Variants in TRO observed in about 807,000 individuals in gnomAD.
The protein encoded by TRO is MAGE superfamily protein.
In TRO, 29 loss-of-function variants were observed where a neutral mutation model predicts 42.3. The observed-to-expected ratio is 0.68, with a 90% CI of 0.51 to 0.93. TRO has a LOEUF of 0.93. TRO is among the 40% of genes least tolerant of loss of function. The pLI is 0.00. For missense variants in TRO, 963 were observed against 1,127.7 expected (o/e 0.85, Z 2.09); for synonymous variants, 384 against 425.2 (o/e 0.90, Z 1.19).
intron 1 of TRO, among the ~76,000 whole-genome samples, chrX:54,921,676 G>A (rs1424974429): frequency 1.0e-5 from 1 of 99,911 alleles, no homozygotes; most frequent in Non-Finnish European, 2.0e-5. Flanking sequence ...TGGCAGTACC[G>A]CAGAGGAGAG....
Position 54,929,267 on chromosome X carries a change from G to T in TRO, c.2543G>T (p.Gly848Val). The change falls in exon 12 of 13, where the codon GGC (glycine) becomes GTC (valine). Residue 848 changes from glycine to valine, a missense_variant. Coordinates refer to ENST00000173898, the MANE Select transcript of TRO (RefSeq NM_001039705.3). ...SATFSGGASS[G>V]FGGTLSTTAG... ...ACTTTCAGTGGTGGAGCCAGCTCTG[G>T]CTTTGGAGGCACACTCAGCACCACG... 1 of 1,212,080 alleles carries T rather than the reference G, an allele frequency of 8.3e-7. No individual in the cohort carries two copies. The highest frequency in any genetic ancestry group is 1.8e-5 in the South Asian group (1 of 56,961).
Position 54,923,163 on chromosome X carries a change from G to C in TRO, c.631G>C (p.Ala211Pro), listed in dbSNP as rs746399151. 5.0e-6 allele frequency: 6 copies of C among 1,209,616 alleles called. No homozygotes were observed. Among genetic ancestry groups the C allele is most frequent in the Non-Finnish European group, 6.7e-6 (6 of 895,201 alleles). ...KPKKASKAKK[A>P]ANKAIASATE... The stretch of plus-strand genomic sequence containing the variant: ...TAAGAAAGCTTCCAAGGCTAAGAAG[G>C]CTGCAAATAAGGCCATAGCTAGTGC... Residue 211 changes from alanine (A) to proline (P), a missense_variant, in exon 3 of 13, where the codon GCT becomes CCT. Ala to Pro is a conservative substitution (Grantham distance 27, BLOSUM62 -1). Around this residue, in one of 2 missense-constraint regions of TRO, gnomAD observed 322 missense variants for 316.5 expected, o/e 1.02. Transcript: ENST00000173898.
intron 7 of TRO, 111 bp downstream of exon 7, chrX:54,925,794 T>C (rs1932685717): frequency 6.3e-6 from 4 of 633,279 alleles, no homozygotes; most frequent in Admixed American, 6.8e-5. Flanking sequence ...AAAAACAGGG[T>C]CTCAAAAGCC....
chrX:54,924,683 T>C lies in TRO; in HGVS notation c.1355T>C (p.Val452Ala). Reference sequence around the variant, plus strand: ...CTCTCCTCCCAGGCTAATAAGTTGGTGAAATACCTGTTGGTTAAGGACCAG... The same window carrying C: ...CTCTCCTCCCAGGCTAATAAGTTGGCGAAATACCTGTTGGTTAAGGACCAG... ...AILQERANKLVKYLLVKDQTK... is the reference protein window; with the variant it reads ...AILQERANKLAKYLLVKDQTK... Residue 452 changes from valine (V) to alanine (A), a missense_variant, in exon 5 of 13, where the codon GTG becomes GCG. By Grantham distance (64) the Val-to-Ala change is moderately conservative. This residue lies in a region of TRO where 641 missense variants were observed against 811.3 expected (regional missense o/e 0.79). Transcript: ENST00000173898. 2 of 1,211,543 alleles carry C rather than the reference T, an allele frequency of 1.7e-6. No homozygotes were observed. Among genetic ancestry groups the C allele is most frequent in the Non-Finnish European group, 2.2e-6 (2 of 895,292 alleles).
rs1222448760 is a variant in TRO at position 54,929,592 on chromosome X, C to T, written c.2868C>T (p.Ser956=). Residue 956 remains serine (S), a synonymous_variant, in exon 12 of 13, where the codon AGC becomes AGT. Coordinates refer to ENST00000173898, the MANE Select transcript of TRO (RefSeq NM_001039705.3). ...ATTTTGGTGGTACACTAAGTACCAGCATCTGCTTTGATGGCTCTCCCAGCA... is the reference window on the plus strand; with the variant it reads ...ATTTTGGTGGTACACTAAGTACCAGTATCTGCTTTGATGGCTCTCCCAGCA... The part of the protein sequence containing the change: ...SANFGGTLST[S]ICFDGSPSTG... The T allele has an allele frequency of 2.5e-6, 3 of 1,211,026 alleles. No individual in the cohort carries two copies. The highest frequency in any genetic ancestry group is 4.3e-5 in the Admixed American group (2 of 46,014).
In TRO at chrX:54,927,742, C is replaced by T. The variant is rs374166648; in HGVS notation, c.1839C>T (p.His613=). 92 of 1,209,559 alleles carry T rather than the reference C, an allele frequency of 7.6e-5. No individual in the cohort carries two copies. The highest frequency in any genetic ancestry group is 2.3e-4 in the Middle Eastern group (1 of 4,372). ...TCTTCTGGGGCTTGCGCTCCTACCA[C>T]GAGACTAGCAAGATGAAAGTCCTCA... ...YEFFWGLRSY[H]ETSKMKVLKF... is the part of the protein sequence containing the mutation. The change falls in exon 11 of 13, where the codon CAC becomes CAT. Residue 613 remains histidine (H), a synonymous_variant. Coordinates refer to ENST00000173898, the MANE Select transcript of TRO (RefSeq NM_001039705.3).
rs1178466198 is a variant in TRO at position 54,930,796 on chromosome X, A to T, written c.4072A>T (p.Ser1358Cys). The change falls in exon 12 of 13, where the codon AGT (serine) becomes TGT (cysteine). Residue 1358 changes from serine to cysteine, a missense_variant. By Grantham distance (112) the Ser-to-Cys change is moderately radical. Around this residue, in one of 2 missense-constraint regions of TRO, gnomAD observed 641 missense variants for 811.3 expected, o/e 0.79. Coordinates refer to ENST00000173898, the MANE Select transcript of TRO (RefSeq NM_001039705.3). ...TGEPSTSTGF[S>C]SGPSSIVGFS... ...CGAACCCAGCACCAGCACGGGCTTC[A>T]GTAGTGGACCCAGTTCTATTGTTGG... 2 of 1,210,781 alleles carry T rather than the reference A, an allele frequency of 1.7e-6. No individual in the cohort carries two copies. The highest frequency in any genetic ancestry group is 3.0e-5 in the East Asian group (1 of 33,801).
intron 6 of TRO, 106 bp downstream of exon 6, chrX:54,925,174 C>T (rs1047612880): frequency 7.3e-5 from 59 of 804,936 alleles, no homozygotes; most frequent in Non-Finnish European, 9.8e-5. Flanking sequence ...TAATCCAGCC[C>T]CATTACTGTG....
chrX:54,926,338 GC>G, intron 7 of TRO, 71 bp from the exon 8 acceptor site: 1 of 1,050,665 alleles, frequency 9.5e-7, no homozygotes, highest in South Asian at 2.1e-5. Context: ...TTTGCGGATG[GC>G]TGCTGAAACA....
At chrX:54,922,398 G>C in intron 2 of TRO, 107 bp downstream of exon 2, 1 of 995,678 alleles carries the variant, frequency 1.0e-6, no homozygotes. Context: ...TGCCTAACTC[G>C]TCTCAGTCCT....
intron 1 of TRO, chrX:54,921,190 G>A (rs1931993863): frequency 9.0e-6 from 1 of 110,985 alleles, no homozygotes; most frequent in Admixed American, 9.6e-5. Context: ...AGCAAGAGGG[G>A]AGGAGGATAC....
intron 7 of TRO, 109 bp from the exon 8 acceptor site, chrX:54,926,301 T>C (rs749485217): frequency 7.5e-5 from 56 of 744,327 alleles, no homozygotes; most frequent in Non-Finnish European, 1.1e-4. Context: ...TGGGAGAGGT[T>C]AGCCTGGTGA....
At chrX:54,922,539 G>A (rs1338729421) in intron 2 of TRO, 39 bp from the exon 3 acceptor site, 1 of 1,152,392 alleles carries the variant, frequency 8.7e-7, no homozygotes, top group Admixed American at 2.5e-5. Context: ...GCTTTAGCGA[G>A]GCCAAATGGC....
Position 54,922,917 on chromosome X carries a change from G to C in TRO, c.385G>C (p.Ala129Pro), listed in dbSNP as rs753892597. ...TACCACTGAGGTAACCAATACTCAG[G>C]CTTCTTCAGTCACTGCTCAGCCTAA... ...LPTTEVTNTQ[A>P]SSVTAQPKKA... Residue 129 changes from alanine to proline, a missense_variant, in exon 3 of 13, where the codon GCT becomes CCT. Coordinates refer to ENST00000173898, the MANE Select transcript of TRO (RefSeq NM_001039705.3). 3 of 1,211,656 alleles carry C rather than the reference G, an allele frequency of 2.5e-6. No individual in the cohort carries two copies. The highest frequency in any genetic ancestry group is 3.4e-6 in the Non-Finnish European group (3 of 895,514).
In TRO at chrX:54,926,744, A is replaced by G. The variant is rs987126575; in HGVS notation, c.1700+119A>G. Reference sequence around the variant, plus strand: ...GCGGGTGGGGTGCTGGACTGGGTAGAGGGCCCAGGGTTCTGACCTGGGTGG... The same window carrying G: ...GCGGGTGGGGTGCTGGACTGGGTAGGGGGCCCAGGGTTCTGACCTGGGTGG... On this transcript the variant is annotated intron_variant, in intron 9 of 12. Coordinates refer to ENST00000173898, the MANE Select transcript of TRO (RefSeq NM_001039705.3). 6.4e-6 allele frequency: 7 copies of G among 1,092,200 alleles called. No homozygotes were observed. The African/African-American group carries it at 9.2e-5, about 14-fold the overall frequency. The allele number at this position is 1,092,200 out of a possible 1,213,427, so 90.0% of individuals were successfully genotyped here.
intron 1 of TRO, 173 bp from the exon 2 acceptor site, chrX:54,922,030 A>T: frequency 2.6e-6 from 1 of 379,299 alleles, no homozygotes; most frequent in Non-Finnish European, 4.5e-6. Flanking sequence ...CGTAGAACTG[A>T]CTCTCTCGGA....
chrX:54,923,443 A>G lies in TRO; in HGVS notation c.911A>G (p.Lys304Arg). The change falls in exon 3 of 13, where the codon AAG becomes AGG. Residue 304 changes from lysine to arginine, a missense_variant. Lys to Arg is a conservative substitution (Grantham distance 26). Coordinates refer to ENST00000173898, the MANE Select transcript of TRO (RefSeq NM_001039705.3). ...AGGCCCAAAAAATCCAAGGGCAAGA[A>G]GGCTGCCAGCAGGGGCCCAAATTCT... is the stretch of plus-strand genomic sequence containing the variant. ...AIRPKKSKGK[K>R]AASRGPNSVS... The G allele has an allele frequency of 8.4e-7, 1 of 1,192,695 alleles. No individual in the cohort carries two copies. Among genetic ancestry groups the G allele is most frequent in the African/African-American group, 1.7e-5 (1 of 57,517 alleles).
In TRO at chrX:54,924,673, A is replaced by T; in HGVS notation, c.1345A>T (p.Asn449Tyr). The change falls in exon 5 of 13, where the codon AAT becomes TAT. Residue 449 changes from asparagine to tyrosine, a missense_variant. This residue lies in a region of TRO where 641 missense variants were observed against 811.3 expected (regional missense o/e 0.79). Coordinates refer to ENST00000173898, the MANE Select transcript of TRO (RefSeq NM_001039705.3). ...RDVAILQERA[N>Y]KLVKYLLVKD... The stretch of plus-strand genomic sequence containing the variant: ...CCATCTATTCCTCTCCTCCCAGGCT[A>T]ATAAGTTGGTGAAATACCTGTTGGT... 1.7e-6 allele frequency: 2 copies of T among 1,211,342 alleles called. No individual in the cohort carries two copies. The highest frequency in any genetic ancestry group is 2.2e-6 in the Non-Finnish European group (2 of 895,125).
chrX:54,930,807 C>T lies in TRO; in HGVS notation c.4083C>T (p.Pro1361=). The change falls in exon 12 of 13, where the codon CCC becomes CCT. Residue 1361 remains proline, a synonymous_variant. Coordinates refer to ENST00000173898, the MANE Select transcript of TRO (RefSeq NM_001039705.3). ...CCAGCACGGGCTTCAGTAGTGGACC[C>T]AGTTCTATTGTTGGCTTCAGCGGTG... The part of the protein sequence containing the change: ...PSTSTGFSSG[P]SSIVGFSGGP... 3 of 1,211,818 alleles carry T rather than the reference C, an allele frequency of 2.5e-6. No homozygotes were observed. The highest frequency in any genetic ancestry group is 3.4e-6 in the Non-Finnish European group (3 of 895,310).
Sources: allele counts gnomAD v4.1 joint callset (sites outside exome capture counted in the v4.1 genomes callset), GRCh38; gene constraint gnomAD v4.1.1; regional missense constraint gnomAD v4.1.1; transcripts MANE v1.5; gene names NCBI Gene and HGNC (gene_info 2026-07-23, HGNC 2026-07-21).